SEMA5B: variants seen among roughly 807,000 people sequenced by gnomAD.
SEMA5B encodes the protein semaphorin 5B, also known as semaphorin-5B.
A neutral mutation model predicts 135.0 loss-of-function variants in SEMA5B; 66 were observed. The ratio of observed to expected loss-of-function variants is 0.49; its 90% CI spans 0.40 to 0.60. The LOEUF (loss-of-function observed/expected upper bound fraction) is 0.60. Ranked by LOEUF, SEMA5B falls within the 20% of genes least tolerant of loss-of-function variation. SEMA5B has a pLI of 0.00. For missense variants in SEMA5B, 1,501 were observed against 1,566.3 expected, an observed-to-expected ratio of 0.96 and a Z score of 0.70; for synonymous variants, 690 against 639.5, an observed-to-expected ratio of 1.08 and a Z score of -1.19.
At position 122,913,607 on chromosome 3, in the gene SEMA5B, C is replaced by T. The variant is rs764275004; in HGVS notation, c.2207G>A (p.Ser736Asn). ...ASWGSWSKCS[S>N]NCGGGMQSRR... ...CGACTGCATGCCCCCTCCACAGTTGCTGCTGCACTTGCTCCAGGAGCCCCA... is the reference window on the plus strand; with the variant it reads ...CGACTGCATGCCCCCTCCACAGTTGTTGCTGCACTTGCTCCAGGAGCCCCA... The change falls in exon 16 of 23, where the codon AGC becomes AAC. Residue 736 changes from serine (S) to asparagine (N), a missense_variant. This residue lies in a region of SEMA5B where 927 missense variants were observed against 881.6 expected (regional missense o/e 1.05). Coordinates refer to ENST00000357599, the MANE Select transcript of SEMA5B (RefSeq NM_001031702.4). The T allele has an allele frequency of 3.3e-5, 53 of 1,613,508 alleles. No homozygotes were observed. The highest frequency in any genetic ancestry group is 4.2e-5 in the Non-Finnish European group (50 of 1,179,966).
intron 2 of SEMA5B, among the ~76,000 whole-genome samples, chr3:122,958,795 C>A (rs1342688310): frequency 6.6e-6 from 1 of 152,142 alleles, no homozygotes; most frequent in Non-Finnish European, 1.5e-5. Context: ...CCTACCCCCA[C>A]CCCCTTGCCC....
intron 5 of SEMA5B, 136 bp downstream of exon 5, chr3:122,939,289 T>C (rs1461965429): frequency 2.8e-6 from 2 of 709,282 alleles, no homozygotes; most frequent in Non-Finnish European, 5.1e-6. Flanking sequence ...TCTGAGTCCA[T>C]GGCCAGTGAA....
intron 5 of SEMA5B, among the ~76,000 whole-genome samples, chr3:122,934,884 A>AAG (rs1939176624): frequency 6.6e-6 from 1 of 151,704 alleles, no homozygotes; most frequent in South Asian, 2.1e-4. Context: ...AAAAAAAAAA[A>AAG]AAAGAATCCC....
At position 122,922,017 on chromosome 3, in the gene SEMA5B, C is replaced by A; in HGVS notation, c.1586G>T (p.Arg529Leu). Residue 529 changes from arginine (R) to leucine (L), a missense_variant, in exon 12 of 23, where the codon CGC becomes CTC. Arg to Leu is a moderately radical substitution (Grantham distance 102). This residue lies in a region of SEMA5B where 927 missense variants were observed against 881.6 expected (regional missense o/e 1.05). Transcript: ENST00000357599. ...VLPPGRREPL[R>L]SLRILHSARA... Reference sequence around the variant, plus strand: ...GGCGCTGTGCAGGATGCGCAGGCTGCGCAGGGGCTCGCGGCGCCCGGGGGG... The same window carrying A: ...GGCGCTGTGCAGGATGCGCAGGCTGAGCAGGGGCTCGCGGCGCCCGGGGGG... 2.0e-6 allele frequency: 3 copies of A among 1,512,454 alleles called. No individual in the cohort carries two copies. The highest frequency in any genetic ancestry group is 1.3e-5 in the South Asian group (1 of 78,382). The allele number at this position is 1,512,454 out of a possible 1,614,324, so 93.7% of individuals were successfully genotyped here.
chr3:122,964,880 C>A (rs958603550), intron 1 of SEMA5B, among the ~76,000 whole-genome samples: 3 of 152,164 alleles, frequency 2.0e-5, no homozygotes, highest in African/African-American at 7.2e-5. Context: ...TTAATTAACA[C>A]TCTCCCTCCT....
At chr3:122,936,367 A>G (rs1422630316) in intron 5 of SEMA5B, among the ~76,000 whole-genome samples, 1 of 152,160 alleles carries the variant, frequency 6.6e-6, no homozygotes, top group African/African-American at 2.4e-5. Flanking sequence ...TGCTCTGTGG[A>G]GTTTCAACTT....
At chr3:122,975,151 G>A (rs1941272437) in intron 1 of SEMA5B, 1 of 152,396 alleles carries the variant, frequency 6.6e-6, no homozygotes, top group Non-Finnish European at 1.5e-5. Context: ...GGCAGACGTG[G>A]GCAGCACCAG....
In SEMA5B at chr3:122,910,089, C is replaced by T; in HGVS notation, c.*54G>A. On this transcript the variant is annotated 3_prime_UTR_variant, in exon 23 of 23. Coordinates refer to ENST00000357599, the MANE Select transcript of SEMA5B (RefSeq NM_001031702.4). ...CAAACTGGCTCCACTGTCCCATCTC[C>T]ATCTGCTCTGTGCCTTATGAAGGCA... The T allele has an allele frequency of 1.3e-6, 2 of 1,586,340 alleles. No individual in the cohort carries two copies. Among genetic ancestry groups the T allele is most frequent in the Non-Finnish European group, 1.7e-6 (2 of 1,165,436 alleles).
intron 9 of SEMA5B, among the ~76,000 whole-genome samples, chr3:122,925,048 C>T (rs372627792): frequency 3.9e-5 from 6 of 152,200 alleles, no homozygotes; most frequent in South Asian, 2.1e-4. Context: ...ACACTGATGG[C>T]GTCAGTTTCG....
chr3:122,928,037 C>A, intron 7 of SEMA5B, 34 bp from the exon 8 acceptor site: 1 of 1,413,910 alleles, frequency 7.1e-7, no homozygotes. Context: ...ACACTTTTCC[C>A]TGAGGCCCTG....
chr3:122,935,161 G>GGTCTCATAGAGACTGGT (rs1429685122), intron 5 of SEMA5B, among the ~76,000 whole-genome samples: 1 of 152,208 alleles, frequency 6.6e-6, no homozygotes, highest in African/African-American at 2.4e-5. Flanking sequence ...CTCCATGGGA[G>GGTCTCATAGAGACTGGT]GTCTCATAGA....
intron 15 of SEMA5B, 88 bp downstream of exon 15, chr3:122,913,770 G>C: frequency 6.4e-7 from 1 of 1,572,248 alleles, no homozygotes; most frequent in Non-Finnish European, 8.6e-7. Flanking sequence ...GAAAGGACGA[G>C]AGTCCCCGGG....
chr3:122,965,618 A>G (rs62263266), intron 1 of SEMA5B, among the ~76,000 whole-genome samples: 13,580 of 152,278 alleles, frequency 0.089, 758 homozygotes, highest in East Asian at 0.18. Flanking sequence ...CCACTTCCGA[A>G]ACCTCTTGTG....
At position 123,001,449 on chromosome 3, in the gene SEMA5B, C is replaced by T. The variant is rs138090862; in HGVS notation, c.-39+26015G>A. Reference sequence around the variant, plus strand: ...CAGAAAATTCACAAAGAGCTGCAGCCGTCAGGGAAGTGGAGGAATCTTTAA... The same window carrying T: ...CAGAAAATTCACAAAGAGCTGCAGCTGTCAGGGAAGTGGAGGAATCTTTAA... On this transcript the variant is annotated intron_variant, in intron 1 of 22. Transcript: ENST00000357599. 8.1e-4 allele frequency among the ~76,000 whole-genome samples: 124 copies of T among 152,236 alleles called. 1 individual carries two copies. The highest frequency in any genetic ancestry group is 2.8e-3 in the African/African-American group (118 of 41,542).
intron 5 of SEMA5B, among the ~76,000 whole-genome samples, chr3:122,935,766 C>CTG (rs1488834308): frequency 5.7e-5 from 8 of 139,758 alleles, no homozygotes; most frequent in African/African-American, 1.4e-4. Flanking sequence ...TACCTGCTCA[C>CTG]TGCAACCTCC....
chr3:122,954,366 A>T (rs1284154435), intron 2 of SEMA5B, among the ~76,000 whole-genome samples: 2 of 152,124 alleles, frequency 1.3e-5, no homozygotes, highest in East Asian at 3.9e-4. Flanking sequence ...TCCATGAGCC[A>T]CCCCCACTCC....
rs150141196 is a variant in SEMA5B, at chr3:122,936,282, C to G, written c.474+3143G>C. ...GACGTGGATCATCTCCATGAAAACT[C>G]AGCAACTCCCACGGACACTTGGGGG... On this transcript the variant is annotated intron_variant, in intron 5 of 22. Transcript: ENST00000357599. Among the ~76,000 whole-genome samples, 373 of 152,302 alleles carry G rather than the reference C, an allele frequency of 2.4e-3. 1 individual carries two copies. The highest frequency in any genetic ancestry group is 8.1e-3 in the African/African-American group (338 of 41,564).
chr3:122,944,981 G>GAGAGAGAGAGATAGAGAGAGAGGC (rs1939720079), intron 3 of SEMA5B, among the ~76,000 whole-genome samples: 2 of 151,678 alleles, frequency 1.3e-5, no homozygotes, highest in Non-Finnish European at 2.9e-5. Context: ...AGGGCCAGGA[G>GAGAGAGAGAGATAGAGAGAGAGGC]AGAGAGAGAG....
chr3:122,944,696 G>A (rs1017922520), intron 3 of SEMA5B, among the ~76,000 whole-genome samples: 2 of 71,098 alleles, frequency 2.8e-5, no homozygotes, highest in African/African-American at 6.5e-5. Flanking sequence ...ACGGCCTCTG[G>A]GCGGATGGGG....
Sources: allele counts gnomAD v4.1 joint callset (sites outside exome capture counted in the v4.1 genomes callset), GRCh38; gene constraint gnomAD v4.1.1; regional missense constraint gnomAD v4.1.1; transcripts MANE v1.5; gene names NCBI Gene and HGNC (gene_info 2026-07-23, HGNC 2026-07-21).